The following EIF5A variants were observed in gnomAD, a reference collection of about 807,000 sequenced individuals.
The protein encoded by EIF5A is eukaryotic translation initiation factor 5A-1.
Under a neutral mutation model 16.6 loss-of-function variants are expected in EIF5A, and 1 was observed. That is an observed-to-expected ratio of 0.06 (90% CI 0.02 to 0.28). EIF5A has a LOEUF of 0.28. Among genes scored for constraint, EIF5A ranks in the 10% least tolerant of loss-of-function variants. EIF5A has a pLI of 1.00. For missense variants in EIF5A, 29 were observed against 196.1 expected (o/e 0.15, Z 5.09); for synonymous variants, 80 against 73.6 (o/e 1.09, Z -0.44).
chr17:7,311,104 C>T lies in EIF5A; in HGVS notation c.252C>T (p.Ile84=), dbSNP rs750140787. The change falls in exon 3 of 6, where the codon ATC becomes ATT. Residue 84 remains isoleucine, a synonymous_variant. Coordinates refer to ENST00000336458, the MANE Select transcript of EIF5A (RefSeq NM_001970.5). ...PSTHNMDVPN[I]KRNDFQLIGI... ...CTCATAATATGGATGTCCCCAACAT[C>T]AAAAGGAATGACTTCCAGGTATGTA... 7.4e-6 allele frequency: 12 copies of T among 1,613,682 alleles called. No homozygotes were observed. The South Asian group carries it at 1.3e-4, about 18-fold the overall frequency.
intron 2 of EIF5A, 140 bp downstream of exon 2, chr17:7,309,940 C>CAT: frequency 6.4e-7 from 1 of 1,561,938 alleles, no homozygotes. Flanking sequence ...GCTCAGCCTT[C>CAT]ATACCCATTC....
chr17:7,309,391 C>G (rs1177541795), intron 1 of EIF5A, among the ~76,000 whole-genome samples: 1 of 152,162 alleles, frequency 6.6e-6, no homozygotes, highest in African/African-American at 2.4e-5. Flanking sequence ...ACCACTTTAG[C>G]TTTGATTTAT....
intron 2 of EIF5A, chr17:7,310,347 C>A: frequency 8.1e-7 from 1 of 1,231,774 alleles, no homozygotes; most frequent in Non-Finnish European, 1.0e-6. Context: ...CTTGAGCCTC[C>A]ATGCTTTCAT....
upstream of EIF5A, chr17:7,307,122 C>T (rs756613871): frequency 4.4e-6 from 7 of 1,591,366 alleles, no homozygotes; most frequent in African/African-American, 1.3e-5. Flanking sequence ...ACGTGTGAGT[C>T]GTTTAAGTCC....
chr17:7,308,616 G>A (rs1344104210), intron 1 of EIF5A: 1 of 1,346,462 alleles, frequency 7.4e-7, no homozygotes, highest in South Asian at 1.1e-5. Flanking sequence ...GGAGAAATGG[G>A]GAAACAGGGC....
chr17:7,310,601 T>C (rs1408089142), intron 2 of EIF5A: 2 of 1,065,008 alleles, frequency 1.9e-6, no homozygotes, highest in African/African-American at 1.7e-5. Context: ...AGTCCTTTTC[T>C]TCAGCTCTTT....
chr17:7,309,903 T>C, intron 2 of EIF5A, 103 bp downstream of exon 2: 1 of 1,610,488 alleles, frequency 6.2e-7, no homozygotes, highest in South Asian at 1.1e-5. Context: ...TAACTCTGCT[T>C]TTACTGTCTG....
In EIF5A at chr17:7,310,331, G is replaced by T. The variant is rs1469328729; in HGVS notation, c.165+531G>T. 7 of 1,255,412 alleles carry T rather than the reference G, an allele frequency of 5.6e-6. No individual in the cohort carries two copies. The South Asian group carries it at 6.6e-5, about 12-fold the overall frequency. 77.8% of individuals were successfully genotyped at this position (1,255,412 alleles called of 1,614,324 possible). A position where few individuals can be genotyped will look rare whatever the true frequency, so the allele number is the denominator to read the frequency against. On this transcript the variant is annotated intron_variant, in intron 2 of 5. Coordinates refer to ENST00000336458, the MANE Select transcript of EIF5A (RefSeq NM_001970.5). ...CTACCTGCCCCATCCCACTCTCCTT[G>T]GGTTCCTTGAGCCTCCATGCTTTCA...
chr17:7,308,860 C>A (rs1196467415), intron 1 of EIF5A, among the ~76,000 whole-genome samples: 1 of 152,178 alleles, frequency 6.6e-6, no homozygotes, highest in Admixed American at 6.5e-5. Flanking sequence ...CACCACCCCC[C>A]ACCTCTCCCA....
At chr17:7,307,109 G>T (rs1021236443), upstream of EIF5A, 9 of 1,599,076 alleles carry the variant, frequency 5.6e-6, no homozygotes, top group Non-Finnish European at 7.7e-6. Context: ...CAAGTTTTCT[G>T]AAACGTGTGA....
intron 2 of EIF5A, chr17:7,310,588 G>T: frequency 9.4e-7 from 1 of 1,066,616 alleles, no homozygotes; most frequent in Non-Finnish European, 1.1e-6. Context: ...TGATCTCCCT[G>T]CAAGTCCTTT....
At chr17:7,307,001 C>A (rs2072642571), upstream of EIF5A, 3 of 1,525,156 alleles carry the variant, frequency 2.0e-6, no homozygotes, top group East Asian at 7.3e-5. Flanking sequence ...GGAACCCGAC[C>A]ACACTAGCGC....
chr17:7,308,605 C>T (rs1409325891), intron 1 of EIF5A: 2 of 1,348,338 alleles, frequency 1.5e-6, no homozygotes, highest in South Asian at 1.1e-5. Context: ...GCTGGGAGGC[C>T]GGAGAAATGG....
chr17:7,310,333 G>A (rs1174317606), intron 2 of EIF5A: 2 of 1,252,552 alleles, frequency 1.6e-6, no homozygotes, highest in South Asian at 2.7e-5. Flanking sequence ...CTCTCCTTGG[G>A]TTCCTTGAGC....
intron 5 of EIF5A, 26 bp from the exon 6 acceptor site, chr17:7,311,796 C>G (rs1368426110): frequency 2.6e-6 from 3 of 1,134,458 alleles, no homozygotes; most frequent in African/African-American, 3.1e-5. Context: ...ATTATCCTGT[C>G]TTACTAATTT....
At chr17:7,310,350 G>A in intron 2 of EIF5A, 4 of 1,227,832 alleles carry the variant, frequency 3.3e-6, no homozygotes, top group Non-Finnish European at 4.2e-6. Context: ...GAGCCTCCAT[G>A]CTTTCATGGG....
chr17:7,308,302 C>T (rs1324491068), intron 1 of EIF5A: 4 of 1,146,730 alleles, frequency 3.5e-6, no homozygotes, highest in East Asian at 8.0e-5. Flanking sequence ...GGACCGGGGC[C>T]GCATGGCAGC....
chr17:7,307,583 C>A, upstream of EIF5A: 1 of 1,006,234 alleles, frequency 9.9e-7, no homozygotes, highest in Non-Finnish European at 1.2e-6. Flanking sequence ...GCTTGCGCGG[C>A]TGTCATAGGG....
At chr17:7,310,944 C>G in intron 2 of EIF5A, 74 bp from the exon 3 acceptor site, 1 of 1,521,954 alleles carries the variant, frequency 6.6e-7, no homozygotes, top group Non-Finnish European at 8.9e-7. Context: ...CCTCATCAGG[C>G]AAGGTCAATT....
Sources: gnomAD v4.1 joint callset for allele counts (sites outside exome capture counted in the v4.1 genomes callset) on GRCh38, gnomAD v4.1.1 for gene constraint, MANE v1.5 for transcripts, NCBI Gene and HGNC (gene_info 2026-07-23, HGNC 2026-07-21) for gene names.